The following ANKRD17 variants were observed in gnomAD, a reference collection of about 807,000 sequenced individuals.
ANKRD17 encodes ankyrin repeat domain 17, also known as ankyrin repeat domain-containing protein 17.
Under a neutral mutation model 229.7 loss-of-function variants are expected in ANKRD17, and 19 were observed. The observed-to-expected ratio is 0.08, with a 90% CI of 0.06 to 0.12. ANKRD17 has a LOEUF of 0.12. ANKRD17 is among the 10% of genes least tolerant of loss of function. The pLI is 1.00. For missense variants in ANKRD17, 2,176 were observed against 3,176.8 expected (o/e 0.68, Z 7.57); for synonymous variants, 1,112 against 1,146.1 (o/e 0.97, Z 0.60).
intron 1 of ANKRD17, among the ~76,000 whole-genome samples, chr4:73,202,261 T>C (rs866290577): frequency 3.6e-5 from 5 of 137,728 alleles, no homozygotes; most frequent in Non-Finnish European, 7.6e-5. Context: ...GTCCTACTCC[T>C]TCCCATCTTT....
Position 73,118,632 on chromosome 4 carries a change from T to C in ANKRD17, c.4188+56A>G, listed in dbSNP as rs1726295145. The C allele has an allele frequency of 1.9e-6, 3 of 1,590,018 alleles. No homozygotes were observed. The East Asian group carries it at 6.7e-5, about 36-fold the overall frequency. ...AGTCTTTAGTGATCACTAAGCCATG[T>C]ACTTCCTAGTGTAAGTAAAAAAACA... On this transcript the variant is annotated intron_variant, in intron 22 of 33. Transcript: ENST00000358602.
intron 15 of ANKRD17, 118 bp downstream of exon 15, chr4:73,139,413 A>G: frequency 8.5e-7 from 1 of 1,173,012 alleles, no homozygotes; most frequent in Non-Finnish European, 1.2e-6. Context: ...TTCTAAAGCT[A>G]GACATGAGTC....
At chr4:73,208,270 G>T (rs1314821166) in intron 1 of ANKRD17, among the ~76,000 whole-genome samples, 1 of 148,142 alleles carries the variant, frequency 6.8e-6, no homozygotes, top group Non-Finnish European at 1.5e-5. Flanking sequence ...CAACTTCAGA[G>T]AACATATTCT....
At chr4:73,245,889 A>C (rs1578513470) in intron 1 of ANKRD17, among the ~76,000 whole-genome samples, 1 of 152,140 alleles carries the variant, frequency 6.6e-6, no homozygotes, top group Non-Finnish European at 1.5e-5. Context: ...ACAGAAAAGA[A>C]ATCTATTATG....
chr4:73,133,220 C>G (rs944095682), intron 16 of ANKRD17, among the ~76,000 whole-genome samples: 4 of 151,546 alleles, frequency 2.6e-5, no homozygotes, highest in Non-Finnish European at 4.4e-5. Context: ...TGCACTCCAG[C>G]CTGGGTGACA....
At chr4:73,231,767 A>G (rs940299912) in intron 1 of ANKRD17, among the ~76,000 whole-genome samples, 1 of 152,202 alleles carries the variant, frequency 6.6e-6, no homozygotes, top group African/African-American at 2.4e-5. Flanking sequence ...TGGGATTTTC[A>G]GCCCCAACTC....
At chr4:73,231,290 T>C (rs1743017788) in intron 1 of ANKRD17, among the ~76,000 whole-genome samples, 1 of 152,180 alleles carries the variant, frequency 6.6e-6, no homozygotes. Flanking sequence ...TAACTCAAGA[T>C]AGCATCAAGG....
chr4:73,237,412 T>C (rs1743605741), intron 1 of ANKRD17, among the ~76,000 whole-genome samples: 1 of 152,180 alleles, frequency 6.6e-6, no homozygotes, highest in African/African-American at 2.4e-5. Context: ...TAAGGCATAT[T>C]CACAACTTAA....
intron 28 of ANKRD17, 131 bp downstream of exon 28, chr4:73,093,948 C>T (rs1723040317): frequency 1.2e-6 from 1 of 837,294 alleles, no homozygotes; most frequent in South Asian, 2.4e-5. Flanking sequence ...TCTTCTCAAA[C>T]ACTAATAAAA....
At chr4:73,090,518 C>A in intron 29 of ANKRD17, 149 bp downstream of exon 29, 2 of 992,278 alleles carry the variant, frequency 2.0e-6, no homozygotes, top group Admixed American at 5.6e-5. Context: ...TAACACCATA[C>A]TAAACACAAA....
At chr4:73,079,273 C>T (rs561506059) in intron 30 of ANKRD17, among the ~76,000 whole-genome samples, 1 of 152,308 alleles carries the variant, frequency 6.6e-6, no homozygotes, top group East Asian at 1.9e-4. Flanking sequence ...ACTGTATTCC[C>T]TGGGAATACT....
intron 21 of ANKRD17, 127 bp downstream of exon 21, chr4:73,120,035 A>G (rs1002367967): frequency 3.2e-5 from 33 of 1,031,278 alleles, no homozygotes; most frequent in South Asian, 1.2e-4. Context: ...GGTTTGGGGG[A>G]AAAAGCACTT....
chr4:73,223,455 A>T lies in ANKRD17; in HGVS notation c.393+34821T>A, dbSNP rs576294794. 5.5e-4 allele frequency among the ~76,000 whole-genome samples: 84 copies of T among 152,362 alleles called. 1 individual carries two copies. The South Asian group carries it at 0.016, about 29-fold the overall frequency. On this transcript the variant is annotated intron_variant, in intron 1 of 33. Coordinates refer to ENST00000358602, the MANE Select transcript of ANKRD17 (RefSeq NM_032217.5). ...AGATTAATGGTTGTATTAAAGACGC[A>T]AAGAAGGAGGCATGATAATGCCAAG...
chr4:73,192,551 T>C (rs1266628683), intron 1 of ANKRD17, among the ~76,000 whole-genome samples: 1 of 151,936 alleles, frequency 6.6e-6, no homozygotes, highest in Non-Finnish European at 1.5e-5. Context: ...TCTATATTGC[T>C]TACCTTAAAA....
intron 24 of ANKRD17, among the ~76,000 whole-genome samples, chr4:73,109,789 A>G (rs933255866): frequency 6.6e-6 from 1 of 152,106 alleles, no homozygotes; most frequent in Non-Finnish European, 1.5e-5. Flanking sequence ...TCATGTGAGA[A>G]TAAGAAGAAA....
At chr4:73,111,422 C>A (rs949742629) in intron 24 of ANKRD17, among the ~76,000 whole-genome samples, 1 of 152,036 alleles carries the variant, frequency 6.6e-6, no homozygotes, top group Non-Finnish European at 1.5e-5. Context: ...CAGAAAAGGA[C>A]GGCGCAAAAT....
At position 73,135,269 on chromosome 4, in the gene ANKRD17, T is replaced by C. The variant is rs1366878623; in HGVS notation, c.3086-4A>G. 3 of 1,607,538 alleles carry C rather than the reference T, an allele frequency of 1.9e-6. No individual in the cohort carries two copies. The South Asian group carries it at 3.3e-5, about 18-fold the overall frequency. On this transcript the variant is annotated splice_region_variant and splice_polypyrimidine_tract_variant and intron_variant, in intron 15 of 33. Coordinates refer to ENST00000358602, the MANE Select transcript of ANKRD17 (RefSeq NM_032217.5). The stretch of plus-strand genomic sequence containing the variant: ...GCAGATGCTCTTCCACTGACTGCTG[T>C]TGAACAAAATAACTGCACTTAATAA...
Position 73,076,160 on chromosome 4 carries a change from ATT to A in ANKRD17, c.*69_*70del. 7 of 1,308,848 alleles carry A rather than the reference ATT, an allele frequency of 5.3e-6. No homozygotes were observed. Among genetic ancestry groups the A allele is most frequent in the Middle Eastern group, 1.9e-4 (1 of 5,254 alleles). 81.1% of individuals were successfully genotyped at this position (1,308,848 alleles called of 1,614,324 possible). ...ATCAGTAGAATGATTTGGGAGCATA[ATT>A]TTTTTTTTCGGCCACTTGTGATTTC... On this transcript the variant is annotated 3_prime_UTR_variant, in exon 34 of 34. Transcript: ENST00000358602.
Position 73,155,682 on chromosome 4 carries a change from C to G in ANKRD17, c.949G>C (p.Val317Leu). The change falls in exon 5 of 34, where the codon GTG becomes CTG. Residue 317 changes from valine to leucine, a missense_variant. Physicochemically the swap from Val to Leu is conservative, Grantham distance 32. Transcript: ENST00000358602. ...GCTTTATGAGCTAGCAGCAACTTCA[C>G]AATTTTGACATGTCCTCCATTAGCA... ...AAANGGHVKIVKLLLAHKADV... is the reference protein window; with the variant it reads ...AAANGGHVKILKLLLAHKADV... 3 of 1,614,148 alleles carry G rather than the reference C, an allele frequency of 1.9e-6. No homozygotes were observed. The highest frequency in any genetic ancestry group is 2.5e-6 in the Non-Finnish European group (3 of 1,180,022).
Sources: gnomAD v4.1 joint callset for allele counts (sites outside exome capture counted in the v4.1 genomes callset) on GRCh38, gnomAD v4.1.1 for gene constraint, MANE v1.5 for transcripts, NCBI Gene and HGNC (gene_info 2026-07-23, HGNC 2026-07-21) for gene names.